Variants in DUSP18 observed in about 807,000 individuals in gnomAD.
DUSP18 encodes dual specificity phosphatase 18, also known as dual specificity protein phosphatase 18.
DUSP18 carries 4 observed loss-of-function variants against 6.3 expected under a neutral mutation model. The observed-to-expected ratio is 0.63, with a 90% CI of 0.31 to 1.45. The LOEUF is 1.45. Among genes scored for constraint, DUSP18 ranks in the 40% most tolerant of loss-of-function variants. The probability of loss-of-function intolerance (pLI) is 0.07; values close to 1 mark genes in which losing one functional copy is unlikely to be tolerated. For synonymous variants in DUSP18, 96 were observed against 95.1 expected (o/e 1.01, Z -0.05); for missense variants, 235 against 247.7 (o/e 0.95, Z 0.34).
chr22:30,658,622 C>T (rs2088395061), downstream of DUSP18, among the ~76,000 whole-genome samples: 2 of 151,800 alleles, frequency 1.3e-5, no homozygotes, highest in South Asian at 2.1e-4. Context: ...GCTAAAGGGT[C>T]AGGAAAATGA....
chr22:30,656,721 C>T (rs910510861), downstream of DUSP18, among the ~76,000 whole-genome samples: 14 of 152,154 alleles, frequency 9.2e-5, no homozygotes, highest in South Asian at 1.2e-3. Flanking sequence ...GGGAAAAGGA[C>T]GTGGACCCTC....
Position 30,664,084 on chromosome 22 carries a change from C to A in DUSP18, c.-77-4G>T. On this transcript the variant is annotated splice_polypyrimidine_tract_variant and splice_region_variant and intron_variant, in intron 1 of 1. Coordinates refer to ENST00000334679, the MANE Select transcript of DUSP18 (RefSeq NM_152511.5). ...GCTAGGCTGTGTCCATGGAAAACTG[C>A]AGAGAGGGAGAGGATGTTTAGAGGG... 7.3e-7 allele frequency: 1 copy of A among 1,363,862 alleles called. No homozygotes were observed. The highest frequency in any genetic ancestry group is 2.2e-5 in the Admixed American group (1 of 46,100). 84.5% of individuals were successfully genotyped at this position (1,363,862 alleles called of 1,614,324 possible).
chr22:30,661,290 C>G (rs1041178006), downstream of DUSP18, among the ~76,000 whole-genome samples: 5 of 152,046 alleles, frequency 3.3e-5, no homozygotes, highest in African/African-American at 1.2e-4. Flanking sequence ...TTTTTGAGAG[C>G]TGAAATGACT....
At chr22:30,660,483 T>G (rs1189327827), downstream of DUSP18, among the ~76,000 whole-genome samples, 1 of 152,008 alleles carries the variant, frequency 6.6e-6, no homozygotes, top group Admixed American at 6.6e-5. Flanking sequence ...AGAGAAAATT[T>G]TTTAAAAAAT....
chr22:30,659,502 T>C (rs1280219016), downstream of DUSP18, among the ~76,000 whole-genome samples: 2 of 151,954 alleles, frequency 1.3e-5, no homozygotes, highest in African/African-American at 4.8e-5. Flanking sequence ...GCCTCCCGGG[T>C]AGCTGTGATT....
At chr22:30,664,219 T>G in intron 1 of DUSP18, 139 bp from the exon 2 acceptor site, 1 of 567,610 alleles carries the variant, frequency 1.8e-6, no homozygotes, top group Non-Finnish European at 3.2e-6. Context: ...CCCAGCAAAC[T>G]CATTTAAAGT....
intron 2 of DUSP18, among the ~76,000 whole-genome samples, chr22:30,653,131 C>T (rs1424507982): frequency 6.6e-6 from 1 of 152,174 alleles, no homozygotes; most frequent in Non-Finnish European, 1.5e-5. Context: ...TAAATGCTTG[C>T]TCAGTGAGGG....
intron 2 of DUSP18, chr22:30,654,672 C>T (rs2088297887): frequency 2.3e-6 from 1 of 433,092 alleles, no homozygotes. Flanking sequence ...GGTACTTCAA[C>T]TTCTTTCTAT....
chr22:30,658,534 A>T (rs1433655378), downstream of DUSP18, among the ~76,000 whole-genome samples: 1 of 151,834 alleles, frequency 6.6e-6, no homozygotes, highest in African/African-American at 2.4e-5. Flanking sequence ...TTCTCTCTTC[A>T]TCCTGTCACC....
At chr22:30,653,985 G>GTTTTTTTT (rs71814511) in intron 2 of DUSP18, 2 of 143,448 alleles carry the variant, frequency 1.4e-5, no homozygotes, top group African/African-American at 2.7e-5. Flanking sequence ...TTGTTTTTTT[G>GTTTTTTTT]TTTTTTTTTT....
rs2088725311 is a variant in DUSP18 at position 30,667,605 on chromosome 22, G to A, written c.-221C>T. 1.3e-5 allele frequency: 2 copies of A among 152,530 alleles called. No individual in the cohort carries two copies. The highest frequency in any genetic ancestry group is 2.9e-5 in the Non-Finnish European group (2 of 68,120). 9.4% of individuals were successfully genotyped at this position (152,530 alleles called of 1,614,324 possible). ...CTAACGCTTTGGTTTCCATAGCAAT[G>A]GGCTCGTCGCAGAAAGGAATAGCCT... On this transcript the variant is annotated 5_prime_UTR_variant, in exon 1 of 2. Coordinates refer to ENST00000334679, the MANE Select transcript of DUSP18 (RefSeq NM_152511.5).
chr22:30,657,896 T>C (rs993964204), downstream of DUSP18, among the ~76,000 whole-genome samples: 12 of 141,776 alleles, frequency 8.5e-5, no homozygotes, highest in Admixed American at 4.4e-4. Flanking sequence ...AGTGCAAGAC[T>C]CTGTCTCAAA....
chr22:30,660,669 C>T (rs550953732), downstream of DUSP18, among the ~76,000 whole-genome samples: 10 of 151,980 alleles, frequency 6.6e-5, no homozygotes, highest in South Asian at 1.5e-3. Context: ...TAAGGATAAC[C>T]GAAAGAAATC....
Position 30,665,680 on chromosome 22 carries a change from T to A in DUSP18, c.-77-1600A>T, listed in dbSNP as rs555666559. 11 of 363,944 alleles carry A rather than the reference T, an allele frequency of 3.0e-5. No homozygotes were observed. In the East Asian group the frequency reaches 7.6e-4, roughly 25 times the overall value. The allele number at this position is 363,944 out of a possible 1,614,324, so 22.5% of individuals were successfully genotyped here. A position where few individuals can be genotyped will look rare whatever the true frequency, so the allele number is the denominator to read the frequency against. On this transcript the variant is annotated intron_variant, in intron 1 of 1. Transcript: ENST00000334679. ...CTAACACTTACTGAAGACGTAGTTT[T>A]GCTCCGATCTGTCTGATTATTTGAT...
At chr22:30,655,535 T>C (rs551130749) in intron 2 of DUSP18, among the ~76,000 whole-genome samples, 5 of 150,958 alleles carry the variant, frequency 3.3e-5, no homozygotes, top group African/African-American at 1.2e-4. Flanking sequence ...GGAAAAGTAA[T>C]TACAAATGTT....
chr22:30,657,141 G>A (rs189997231), downstream of DUSP18, among the ~76,000 whole-genome samples: 18 of 152,094 alleles, frequency 1.2e-4, no homozygotes, highest in Admixed American at 9.8e-4. Flanking sequence ...AAGCATGTAA[G>A]ATAAATTTCT....
chr22:30,653,379 T>C (rs1350530468), intron 2 of DUSP18, among the ~76,000 whole-genome samples: 2 of 151,536 alleles, frequency 1.3e-5, no homozygotes, highest in Non-Finnish European at 3.0e-5. Context: ...TCCTTCTTTT[T>C]TTTTTTTTTT....
Position 30,663,299 on chromosome 22 carries a change from ACT to A in DUSP18, c.*136_*137del, listed in dbSNP as rs2145612642. 1.2e-6 allele frequency: 1 copy of A among 820,880 alleles called. No individual in the cohort carries two copies. The highest frequency in any genetic ancestry group is 2.6e-5 in the East Asian group (1 of 38,040). The allele number at this position is 820,880 out of a possible 1,614,324, so 50.8% of individuals were successfully genotyped here. On this transcript the variant is annotated 3_prime_UTR_variant, in exon 2 of 2. Coordinates refer to ENST00000334679, the MANE Select transcript of DUSP18 (RefSeq NM_152511.5). ...GATTATAAAGTTAAAAGCTACAGCA[ACT>A]CTTTTTTGTGCTCATAAAAGGCATC...
At chr22:30,666,517 G>A (rs2145629275) in intron 1 of DUSP18, among the ~76,000 whole-genome samples, 1 of 150,594 alleles carries the variant, frequency 6.6e-6, no homozygotes, top group East Asian at 2.0e-4. Flanking sequence ...AGCTACTCAG[G>A]AGGCTGAGAC....
Sources: gnomAD v4.1 joint callset for allele counts (sites outside exome capture counted in the v4.1 genomes callset) on GRCh38, gnomAD v4.1.1 for gene constraint, MANE v1.5 for transcripts, NCBI Gene and HGNC (gene_info 2026-07-23, HGNC 2026-07-21) for gene names.